CLVS2: variants seen among roughly 807,000 people sequenced by gnomAD.
CLVS2 encodes the protein clavesin 2.
Under a neutral mutation model 29.0 loss-of-function variants are expected in CLVS2, and 19 were observed. The observed-to-expected ratio is 0.66, with a 90% confidence interval of 0.46 to 0.96. The LOEUF (loss-of-function observed/expected upper bound fraction) is 0.96, where lower values mean the gene tolerates loss of function less well. CLVS2 is among the 40% of genes least tolerant of loss of function. The pLI is 0.00. For missense variants in CLVS2, 294 were observed against 404.1 expected (o/e 0.73, Z 2.34); for synonymous variants, 161 against 151.3 (o/e 1.06, Z -0.47).
At chr6:123,025,079 G>C (rs1001182469) in intron 3 of CLVS2, among the ~76,000 whole-genome samples, 1 of 152,072 alleles carries the variant, frequency 6.6e-6, no homozygotes, top group African/African-American at 2.4e-5. Context: ...AATACCAAGG[G>C]TATAAAATTA....
chr6:123,013,238 T>G (rs1032021291), intron 3 of CLVS2, among the ~76,000 whole-genome samples: 7 of 151,962 alleles, frequency 4.6e-5, no homozygotes, highest in Non-Finnish European at 1.5e-5. Context: ...TGAATAAACA[T>G]TTTTTTCAAT....
chr6:123,036,556 T>C (rs1775157018), intron 3 of CLVS2, among the ~76,000 whole-genome samples: 1 of 152,182 alleles, frequency 6.6e-6, no homozygotes, highest in South Asian at 2.1e-4. Context: ...TCTTTCTTGT[T>C]GTGTTAAATA....
intron 3 of CLVS2, among the ~76,000 whole-genome samples, chr6:123,025,109 A>C (rs2114326261): frequency 6.6e-6 from 1 of 152,258 alleles, no homozygotes; most frequent in African/African-American, 2.4e-5. Flanking sequence ...TTGTTTTCAA[A>C]GAGATTTACA....
intron 4 of CLVS2, among the ~76,000 whole-genome samples, chr6:123,050,497 AG>A (rs1052200147): frequency 6.6e-6 from 1 of 152,202 alleles, no homozygotes; most frequent in African/African-American, 2.4e-5. Flanking sequence ...CAGATCGTAG[AG>A]CCGGATACGT....
intron 2 of CLVS2, among the ~76,000 whole-genome samples, chr6:123,002,050 G>C (rs1774596270): frequency 6.6e-6 from 1 of 152,110 alleles, no homozygotes; most frequent in African/African-American, 2.4e-5. Flanking sequence ...TCTGGAATAT[G>C]GTTAATAGTC....
chr6:123,047,649 CCTTTA>C (rs1397027573), intron 3 of CLVS2, among the ~76,000 whole-genome samples: 1 of 152,246 alleles, frequency 6.6e-6, no homozygotes, highest in Non-Finnish European at 1.5e-5. Flanking sequence ...TATTTTAGTT[CCTTTA>C]CTTTTCTTTT....
At chr6:123,019,209 T>C (rs1446660557) in intron 3 of CLVS2, among the ~76,000 whole-genome samples, 1 of 151,962 alleles carries the variant, frequency 6.6e-6, no homozygotes, top group Admixed American at 6.6e-5. Flanking sequence ...CAGGGGAGGC[T>C]GAAAAATTGA....
intron 3 of CLVS2, among the ~76,000 whole-genome samples, chr6:123,034,760 A>G (rs1775127271): frequency 6.6e-6 from 1 of 152,110 alleles, no homozygotes; most frequent in Admixed American, 6.6e-5. Context: ...GGCTCCACAG[A>G]TTGTACCACT....
chr6:123,051,641 T>A (rs1772613775), intron 4 of CLVS2, among the ~76,000 whole-genome samples: 1 of 152,242 alleles, frequency 6.6e-6, no homozygotes, highest in African/African-American at 2.4e-5. Flanking sequence ...TGGCCAATGT[T>A]GTCTTCTACT....
At chr6:123,022,953 A>G (rs762906325) in intron 3 of CLVS2, among the ~76,000 whole-genome samples, 45 of 152,116 alleles carry the variant, frequency 3.0e-4, no homozygotes, top group Admixed American at 9.8e-4. Flanking sequence ...AAGGTGGATG[A>G]TAAACATCAA....
chr6:123,028,995 G>C (rs968070948), intron 3 of CLVS2, among the ~76,000 whole-genome samples: 1 of 152,166 alleles, frequency 6.6e-6, no homozygotes, highest in Admixed American at 6.6e-5. Flanking sequence ...TAAGATTAGT[G>C]CTCTTGTAAG....
intron 3 of CLVS2, among the ~76,000 whole-genome samples, chr6:123,028,764 C>T (rs1331036134): frequency 1.3e-5 from 2 of 152,062 alleles, no homozygotes; most frequent in African/African-American, 4.8e-5. Flanking sequence ...ATTTTTTTCT[C>T]CAAATGTTTG....
chr6:123,058,451 C>A (rs372217175), intron 5 of CLVS2, among the ~76,000 whole-genome samples: 1 of 152,146 alleles, frequency 6.6e-6, no homozygotes, highest in Non-Finnish European at 1.5e-5. Context: ...TGGCCCATCA[C>A]GTGAGCACAT....
intron 3 of CLVS2, among the ~76,000 whole-genome samples, chr6:123,039,084 G>A (rs536136088): frequency 6.6e-6 from 1 of 152,192 alleles, no homozygotes; most frequent in African/African-American, 2.4e-5. Context: ...GCCTGATGTA[G>A]GCAGCAGTGT....
At position 123,068,509 on chromosome 6, in the gene CLVS2, A is replaced by G. The variant is rs1772895668; in HGVS notation, c.*4748A>G. The G allele has an allele frequency of 2.6e-5, 4 of 151,852 alleles. No individual in the cohort carries two copies. The highest frequency in any genetic ancestry group is 3.4e-3 in the Middle Eastern group (1 of 294). 9.4% of individuals were successfully genotyped at this position (151,852 alleles called of 1,614,324 possible). A position where few individuals can be genotyped will look rare whatever the true frequency, so the allele number is the denominator to read the frequency against. On this transcript the variant is annotated 3_prime_UTR_variant, in exon 6 of 6. Coordinates refer to ENST00000275162, the MANE Select transcript of CLVS2 (RefSeq NM_001010852.4). The stretch of plus-strand genomic sequence containing the variant: ...AATTGCAATGAATTTTAATTCATTT[A>G]CTTTTAACAGAGATACAAAGCACTG...
rs1772945325 is a variant in CLVS2, at chr6:123,071,350, A to G, written c.*7589A>G. 1 of 152,020 alleles carries G rather than the reference A, an allele frequency of 6.6e-6. No homozygotes were observed. Among genetic ancestry groups the G allele is most frequent in the Non-Finnish European group, 1.5e-5 (1 of 67,958 alleles). 9.4% of individuals were successfully genotyped at this position (152,020 alleles called of 1,614,324 possible). A position where few individuals can be genotyped will look rare whatever the true frequency, so the allele number is the denominator to read the frequency against. On this transcript the variant is annotated 3_prime_UTR_variant, in exon 6 of 6. Transcript: ENST00000275162. The stretch of plus-strand genomic sequence containing the variant: ...ATAATAGAATCATGAATCAAAAATG[A>G]TATCCTCTTCTCCCCAATTGTGATC...
At chr6:123,049,167 A>G (rs1014934533) in intron 4 of CLVS2, among the ~76,000 whole-genome samples, 6 of 152,306 alleles carry the variant, frequency 3.9e-5, no homozygotes, top group Admixed American at 6.5e-5. Flanking sequence ...ATTTTTTACA[A>G]TGATTATCAT....
chr6:123,059,479 C>T (rs994063695), intron 5 of CLVS2, among the ~76,000 whole-genome samples: 5 of 152,220 alleles, frequency 3.3e-5, no homozygotes, highest in African/African-American at 1.2e-4. Flanking sequence ...CAGTTGAATG[C>T]ATGGAGGAGT....
rs1265358249 is a variant in CLVS2, at chr6:123,071,239, A to G, written c.*7478A>G. Reference sequence around the variant, plus strand: ...GTTTCAGCAAGTTATGTAACGGCCAATAGTATGAATTGAAAGAGTTTCTTG... The same window carrying G: ...GTTTCAGCAAGTTATGTAACGGCCAGTAGTATGAATTGAAAGAGTTTCTTG... On this transcript the variant is annotated 3_prime_UTR_variant, in exon 6 of 6. Coordinates refer to ENST00000275162, the MANE Select transcript of CLVS2 (RefSeq NM_001010852.4). 2 of 152,050 alleles carry G rather than the reference A, an allele frequency of 1.3e-5. No homozygotes were observed. Among genetic ancestry groups the G allele is most frequent in the East Asian group, 3.8e-4 (2 of 5,198 alleles). 9.4% of individuals were successfully genotyped at this position (152,050 alleles called of 1,614,324 possible).
Sources: allele counts gnomAD v4.1 joint callset (sites outside exome capture counted in the v4.1 genomes callset), GRCh38; gene constraint gnomAD v4.1.1; transcripts MANE v1.5; gene names NCBI Gene and HGNC (gene_info 2026-07-23, HGNC 2026-07-21).